The following GNAQ variants were observed in gnomAD, a reference collection of about 807,000 sequenced individuals.
GNAQ encodes G protein subunit alpha q, also known as guanine nucleotide-binding protein G(q) subunit alpha.
In GNAQ, 8 loss-of-function variants were observed where a neutral mutation model predicts 43.9. The ratio of observed to expected loss-of-function variants is 0.18; its 90% CI spans 0.11 to 0.33. GNAQ has a LOEUF of 0.33. Among genes scored for constraint, GNAQ ranks in the 10% least tolerant of loss-of-function variants. The pLI, the probability that GNAQ is intolerant of heterozygous loss-of-function variation, is 1.00. For missense variants in GNAQ, 158 were observed against 450.8 expected (o/e 0.35, Z 5.88); for synonymous variants, 155 against 170.7 (o/e 0.91, Z 0.71).
At chr9:77,735,859 C>T (rs1029598525) in intron 5 of GNAQ, among the ~76,000 whole-genome samples, 3 of 152,116 alleles carry the variant, frequency 2.0e-5, no homozygotes, top group East Asian at 3.9e-4. Flanking sequence ...AAATACTCTC[C>T]GTGTCCTTGG....
chr9:77,906,363 G>A (rs536397210), intron 2 of GNAQ, among the ~76,000 whole-genome samples: 23 of 152,278 alleles, frequency 1.5e-4, no homozygotes, highest in African/African-American at 5.1e-4. Flanking sequence ...TGGTAACGAC[G>A]TGGTAAAAAC....
In GNAQ at chr9:77,840,059, G is replaced by A. The variant is rs1024500427; in HGVS notation, c.322-24289C>T. ...ATTCATTTTTCCTGTCTGGGAACCC[G>A]TGCGTTTTCCTCTGCAAATGCTCCA... On this transcript the variant is annotated intron_variant, in intron 2 of 6. Transcript: ENST00000286548. 6.6e-5 allele frequency among the ~76,000 whole-genome samples: 10 copies of A among 152,242 alleles called. No homozygotes were observed. In the East Asian group the frequency reaches 1.2e-3, roughly 18 times the overall value.
At chr9:77,724,771 T>C (rs1381036713) in intron 6 of GNAQ, among the ~76,000 whole-genome samples, 2 of 152,210 alleles carry the variant, frequency 1.3e-5, no homozygotes, top group African/African-American at 4.8e-5. Flanking sequence ...GAATTTTTGA[T>C]GTAGGTGCCC....
Position 77,717,260 on chromosome 9 carries a change from A to G in GNAQ, c.*4063T>C. ...TACCAAGCACACCTTATTTGTATCA[A>G]TTGAGATGTTGATTACCAATTAAGT... On this transcript the variant is annotated 3_prime_UTR_variant, in exon 7 of 7. Coordinates refer to ENST00000286548, the MANE Select transcript of GNAQ (RefSeq NM_002072.5). 2 of 232,478 alleles carry G rather than the reference A, an allele frequency of 8.6e-6. No individual in the cohort carries two copies. The highest frequency in any genetic ancestry group is 6.1e-5 in the East Asian group (1 of 16,392). The allele number at this position is 232,478 out of a possible 1,614,324, so 14.4% of individuals were successfully genotyped here.
intron 1 of GNAQ, among the ~76,000 whole-genome samples, chr9:78,001,089 C>T (rs1823637699): frequency 6.6e-6 from 1 of 152,058 alleles, no homozygotes; most frequent in Non-Finnish European, 1.5e-5. Context: ...GAACTAAGGG[C>T]CTTGGGTTTT....
At position 78,031,332 on chromosome 9, in the gene GNAQ, C is replaced by G; in HGVS notation, c.-97G>C. 1 of 989,630 alleles carries G rather than the reference C, an allele frequency of 1.0e-6. No individual in the cohort carries two copies. Among genetic ancestry groups the G allele is most frequent in the Non-Finnish European group, 1.3e-6 (1 of 766,890 alleles). 61.3% of individuals were successfully genotyped at this position (989,630 alleles called of 1,614,324 possible). A position where few individuals can be genotyped will look rare whatever the true frequency, so the allele number is the denominator to read the frequency against. Reference sequence around the variant, plus strand: ...CTCGCTCCCCCGAGGCAGCGGTGGCCGCCGAGCCCCCGCCGCCCGGGCGCG... The same window carrying G: ...CTCGCTCCCCCGAGGCAGCGGTGGCGGCCGAGCCCCCGCCGCCCGGGCGCG... On this transcript the variant is annotated 5_prime_UTR_variant, in exon 1 of 7. Transcript: ENST00000286548.
At chr9:77,729,228 A>G (rs1825447217) in intron 5 of GNAQ, among the ~76,000 whole-genome samples, 2 of 152,222 alleles carry the variant, frequency 1.3e-5, no homozygotes, top group South Asian at 2.1e-4. Flanking sequence ...ATGTTGTAAG[A>G]TCAAACATTT....
At chr9:77,810,112 GGTAA>G (rs1329689287) in intron 3 of GNAQ, among the ~76,000 whole-genome samples, 3 of 151,996 alleles carry the variant, frequency 2.0e-5, no homozygotes, top group African/African-American at 7.2e-5. Context: ...TGTTCTTCAT[GGTAA>G]GTGATTTATA....
intron 3 of GNAQ, among the ~76,000 whole-genome samples, chr9:77,812,912 T>C (rs1203339227): frequency 6.6e-6 from 1 of 151,374 alleles, no homozygotes; most frequent in Non-Finnish European, 1.5e-5. Flanking sequence ...TATTTTTTAT[T>C]TTTTTTTGGA....
At chr9:77,752,240 A>C (rs1005759403) in intron 5 of GNAQ, among the ~76,000 whole-genome samples, 3 of 152,242 alleles carry the variant, frequency 2.0e-5, no homozygotes, top group African/African-American at 7.2e-5. Context: ...TACCTCGGTA[A>C]AAATGGCAGG....
intron 3 of GNAQ, among the ~76,000 whole-genome samples, chr9:77,808,283 A>G (rs1009579865): frequency 2.0e-5 from 3 of 151,704 alleles, no homozygotes; most frequent in East Asian, 1.9e-4. Context: ...TATCTTTAAG[A>G]GCTTTCTGAA....
intron 1 of GNAQ, among the ~76,000 whole-genome samples, chr9:77,976,071 A>T: frequency 6.6e-6 from 1 of 152,246 alleles, no homozygotes; most frequent in East Asian, 1.9e-4. Context: ...CTCCATGCCC[A>T]GTTTGAGGTT....
At chr9:77,869,993 T>C (rs892965020) in intron 2 of GNAQ, among the ~76,000 whole-genome samples, 1 of 152,220 alleles carries the variant, frequency 6.6e-6, no homozygotes, top group Non-Finnish European at 1.5e-5. Flanking sequence ...AATGCCTTCA[T>C]AATAGGGACT....
chr9:77,986,566 C>CA (rs1457236918), intron 1 of GNAQ, among the ~76,000 whole-genome samples: 1 of 152,126 alleles, frequency 6.6e-6, no homozygotes, highest in Non-Finnish European at 1.5e-5. Context: ...AGTGCAGTGG[C>CA]ATGATAACAG....
chr9:77,868,142 A>G (rs1008859584), intron 2 of GNAQ, among the ~76,000 whole-genome samples: 1 of 152,254 alleles, frequency 6.6e-6, no homozygotes, highest in Non-Finnish European at 1.5e-5. Flanking sequence ...ATCACAGCAT[A>G]TAGCATATGA....
chr9:77,835,207 A>G (rs1413600362), intron 2 of GNAQ, among the ~76,000 whole-genome samples: 2 of 151,984 alleles, frequency 1.3e-5, no homozygotes, highest in African/African-American at 2.4e-5. Context: ...TTATTTCTGG[A>G]TTTCTCCATT....
chr9:78,025,008 A>G (rs942289654), intron 1 of GNAQ, among the ~76,000 whole-genome samples: 1 of 152,218 alleles, frequency 6.6e-6, no homozygotes, highest in South Asian at 2.1e-4. Flanking sequence ...GGCTATGTAT[A>G]AAGGTTAACA....
intron 2 of GNAQ, among the ~76,000 whole-genome samples, chr9:77,826,701 C>T (rs901829954): frequency 3.9e-5 from 6 of 152,210 alleles, no homozygotes; most frequent in Non-Finnish European, 8.8e-5. Flanking sequence ...GCCTCAATTT[C>T]CTTATCCCTC....
At chr9:77,915,422 C>G (rs776130877) in intron 2 of GNAQ, among the ~76,000 whole-genome samples, 4 of 152,200 alleles carry the variant, frequency 2.6e-5, no homozygotes, top group Non-Finnish European at 5.9e-5. Flanking sequence ...CCTCCTAAAT[C>G]TGGTCACATT....
Sources: allele counts gnomAD v4.1 joint callset (sites outside exome capture counted in the v4.1 genomes callset), GRCh38; gene constraint gnomAD v4.1.1; transcripts MANE v1.5; gene names NCBI Gene and HGNC (gene_info 2026-07-23, HGNC 2026-07-21).